EVC2: variants seen among roughly 807,000 people sequenced by gnomAD.
EVC2 encodes the protein limbin.
In EVC2, 148 loss-of-function variants were observed where a neutral mutation model predicts 149.3. The observed-to-expected ratio is 0.99, with a 90% confidence interval of 0.87 to 1.14. The LOEUF is 1.14. Ranked by LOEUF, EVC2 falls within the 50% of genes most tolerant of loss-of-function variation. EVC2 has a pLI of 0.00. For missense variants in EVC2, 1,854 were observed against 1,627.3 expected (o/e 1.14, Z -2.40); for synonymous variants, 776 against 649.9 (o/e 1.19, Z -2.95).
intron 9 of EVC2, among the ~76,000 whole-genome samples, chr4:5,654,786 C>T (rs1024932936): frequency 1.3e-5 from 2 of 152,134 alleles, no homozygotes; most frequent in Non-Finnish European, 2.9e-5. Flanking sequence ...GAGTCAGGCC[C>T]CTATGGCCAT....
intron 1 of EVC2, among the ~76,000 whole-genome samples, chr4:5,698,937 A>G (rs1721656029): frequency 6.6e-6 from 1 of 152,234 alleles, no homozygotes; most frequent in South Asian, 2.1e-4. Context: ...CGCGGGCCAG[A>G]CACCACGGAA....
intron 21 of EVC2, among the ~76,000 whole-genome samples, chr4:5,555,828 C>T (rs1721828414): frequency 2.0e-5 from 3 of 152,078 alleles, no homozygotes; most frequent in African/African-American, 7.2e-5. Flanking sequence ...TCTACAAGTA[C>T]AGAATATAAA....
At chr4:5,691,200 A>C (rs942929896) in intron 4 of EVC2, 65 bp downstream of exon 4, 14 of 1,435,732 alleles carry the variant, frequency 9.8e-6, no homozygotes, top group Non-Finnish European at 1.4e-5. Flanking sequence ...CATGACTCTA[A>C]TAAAATGATC....
intron 12 of EVC2, among the ~76,000 whole-genome samples, chr4:5,626,827 G>A (rs1371566929): frequency 6.6e-6 from 1 of 152,062 alleles, no homozygotes; most frequent in Non-Finnish European, 1.5e-5. Context: ...AGCTAACAGT[G>A]GGACCTCTCA....
chr4:5,578,419 A>G lies in EVC2; in HGVS notation c.3058-1965T>C, dbSNP rs145637774. Among the ~76,000 whole-genome samples the G allele has an allele frequency of 6.8e-4, 103 of 152,304 alleles. 3 individuals are homozygous for G. In the East Asian group the frequency reaches 0.017, roughly 25 times the overall value. On this transcript the variant is annotated intron_variant, in intron 17 of 21. Transcript: ENST00000344408. ...TGGTTTAATCTTCACAAAATAACAC[A>G]AGATAGGAATTTTTCATCATCTAAT...
intron 1 of EVC2, among the ~76,000 whole-genome samples, chr4:5,705,136 C>A (rs1025721578): frequency 6.6e-6 from 1 of 152,180 alleles, no homozygotes; most frequent in African/African-American, 2.4e-5. Context: ...GGGACACACC[C>A]AATCCACTGA....
At chr4:5,632,567 G>A (rs1453035020) in intron 10 of EVC2, among the ~76,000 whole-genome samples, 1 of 152,226 alleles carries the variant, frequency 6.6e-6, no homozygotes, top group African/African-American at 2.4e-5. Context: ...AGTGGGTCAT[G>A]CTGTCAGGCT....
At chr4:5,597,580 A>T (rs1172996393) in intron 16 of EVC2, among the ~76,000 whole-genome samples, 1 of 151,330 alleles carries the variant, frequency 6.6e-6, no homozygotes, top group Non-Finnish European at 1.5e-5. Context: ...AAATAATAAG[A>T]GCTATCTATG....
Position 5,679,676 on chromosome 4 carries a change from G to A in EVC2, c.870+1584C>T, listed in dbSNP as rs1292699682. 1.3e-5 allele frequency among the ~76,000 whole-genome samples: 2 copies of A among 152,028 alleles called. No homozygotes were observed. The highest frequency in any genetic ancestry group is 2.9e-5 in the Non-Finnish European group (2 of 68,026). ...ATACATATGCAGAACGTGCAGGTTT[G>A]TTACATAGGTATACATGTGTCATGG... On this transcript the variant is annotated intron_variant, in intron 7 of 21. Transcript: ENST00000344408. The surrounding 1 kb of genome is among the most constrained non-coding windows in gnomAD (Gnocchi z 5.1).
chr4:5,641,181 T>C (rs73063796), intron 9 of EVC2, among the ~76,000 whole-genome samples: 8,760 of 152,288 alleles, frequency 0.058, 816 homozygotes, highest in African/African-American at 0.2. Context: ...TATTTTACTT[T>C]TCTTCCCATT....
rs1295999925 is a variant in EVC2 at position 5,582,932 on chromosome 4, T to C, written c.3057+1691A>G. 6.6e-5 allele frequency among the ~76,000 whole-genome samples: 10 copies of C among 152,332 alleles called. No homozygotes were observed. In the South Asian group the frequency reaches 1.0e-3, roughly 16 times the overall value. On this transcript the variant is annotated intron_variant, in intron 17 of 21. Transcript: ENST00000344408. ...CCTGCTTCCCCTTCACCTTCTACCA[T>C]GATTGTAAGTTTCCTGAGTCCTCCC...
At chr4:5,660,309 G>A (rs1434374420) in intron 9 of EVC2, among the ~76,000 whole-genome samples, 1 of 152,190 alleles carries the variant, frequency 6.6e-6, no homozygotes, top group East Asian at 1.9e-4. Flanking sequence ...CACTCTGTGA[G>A]GAAGGAGCAC....
At chr4:5,704,910 A>G (rs1188101337) in intron 1 of EVC2, among the ~76,000 whole-genome samples, 1 of 151,764 alleles carries the variant, frequency 6.6e-6, no homozygotes, top group Non-Finnish European at 1.5e-5. Flanking sequence ...GGGTCTCACT[A>G]TGTTTCCCAG....
chr4:5,531,592 T>G, the EVC2 span, among the ~76,000 whole-genome samples: 1 of 152,080 alleles, frequency 6.6e-6, no homozygotes, highest in African/African-American at 2.4e-5. Context: ...TTAGATTATC[T>G]TAGGAGCACA....
At chr4:5,540,725 A>T (rs1577084992), downstream of EVC2, among the ~76,000 whole-genome samples, 1 of 152,182 alleles carries the variant, frequency 6.6e-6, no homozygotes, top group Non-Finnish European at 1.5e-5. Context: ...GGAGATGTTC[A>T]TTGTCTTGAT....
intron 21 of EVC2, among the ~76,000 whole-genome samples, chr4:5,553,252 G>A (rs998265164): frequency 1.3e-5 from 2 of 152,110 alleles, no homozygotes; most frequent in Non-Finnish European, 2.9e-5. Flanking sequence ...TTGGTGGGGG[G>A]TGGGTGGTTT....
chr4:5,683,117 G>T (rs377544477), intron 6 of EVC2, among the ~76,000 whole-genome samples: 1 of 152,176 alleles, frequency 6.6e-6, no homozygotes, highest in Non-Finnish European at 1.5e-5. Context: ...TCAAAATACC[G>T]TAAGTCCTCT....
intron 1 of EVC2, among the ~76,000 whole-genome samples, chr4:5,706,265 G>A (rs1722124075): frequency 6.6e-6 from 1 of 150,834 alleles, no homozygotes; most frequent in Admixed American, 6.6e-5. Flanking sequence ...CCTGCACACA[G>A]CATGGGACTT....
downstream of EVC2, among the ~76,000 whole-genome samples, chr4:5,558,526 C>T (rs1218774964): frequency 1.3e-5 from 2 of 152,084 alleles, no homozygotes; most frequent in Non-Finnish European, 2.9e-5. Context: ...ATCATTTTAA[C>T]AAATACATAA....
Sources: gnomAD v4.1 joint callset for allele counts (sites outside exome capture counted in the v4.1 genomes callset) on GRCh38, gnomAD v4.1.1 for gene constraint, Gnocchi (gnomAD v3.1) non-coding constraint, MANE v1.5 for transcripts, NCBI Gene and HGNC (gene_info 2026-07-23, HGNC 2026-07-21) for gene names.